Variants in INSL6 observed in about 807,000 individuals in gnomAD.
INSL6 encodes insulin-like peptide INSL6.
Under a neutral mutation model 9.4 loss-of-function variants are expected in INSL6, and 16 were observed. The observed-to-expected ratio is 1.70, with a 90% CI of 1.15 to 2.59. The LOEUF (loss-of-function observed/expected upper bound fraction) is 2.59, where lower values mean the gene tolerates loss of function less well. INSL6 is among the 30% of genes most tolerant of loss of function. The pLI is 0.00. For missense variants in INSL6, 391 were observed against 257.3 expected (o/e 1.52, Z -3.56); for synonymous variants, 154 against 96.9 (o/e 1.59, Z -3.46).
chr9:5,182,366 AAACACATTAC>A (rs961103772), intron 1 of INSL6, among the ~76,000 whole-genome samples: 71 of 152,162 alleles, frequency 4.7e-4, no homozygotes, highest in African/African-American at 1.7e-3. Context: ...AATATATAAT[AAACACATTAC>A]AACAATTGCC....
the INSL6 span, chr9:5,111,227 G>T: frequency 1.7e-6 from 1 of 574,388 alleles, no homozygotes; most frequent in Non-Finnish European, 3.3e-6. Flanking sequence ...AGCTAGCGCG[G>T]GCCTATTCCT....
At chr9:5,084,548 T>C in the INSL6 span, among the ~76,000 whole-genome samples, 1 of 152,134 alleles carries the variant, frequency 6.6e-6, no homozygotes, top group African/African-American at 2.4e-5. Context: ...TTTTTTATTT[T>C]TTAAAAAATA....
chr9:5,041,443 C>T, the INSL6 span: 3 of 619,792 alleles, frequency 4.8e-6, no homozygotes, highest in Admixed American at 4.4e-5. Flanking sequence ...TCCTGTGCAG[C>T]AGCCTCCCCT....
At chr9:5,019,148 T>G in the INSL6 span, among the ~76,000 whole-genome samples, 1 of 152,208 alleles carries the variant, frequency 6.6e-6, no homozygotes, top group African/African-American at 2.4e-5. Context: ...CCAGGTTTTC[T>G]ATTCCTTTTG....
the INSL6 span, among the ~76,000 whole-genome samples, chr9:5,018,978 C>A: frequency 3.3e-5 from 5 of 152,124 alleles, no homozygotes; most frequent in African/African-American, 1.2e-4. Context: ...TCTCTGACAA[C>A]AGTTCTCTCT....
chr9:5,145,563 T>G (rs1824586295), intron 2 of INSL6, among the ~76,000 whole-genome samples: 1 of 152,200 alleles, frequency 6.6e-6, no homozygotes. Flanking sequence ...TCCAAGTTGG[T>G]TCCACTCTTC....
the INSL6 span, chr9:5,050,652 CGATGA>C: frequency 1.9e-6 from 3 of 1,584,852 alleles, no homozygotes; most frequent in African/African-American, 4.1e-5. Context: ...ATGAAACTTA[CGATGA>C]GATATTTCCT....
chr9:5,128,114 GTGTGTGTTA>G (rs979628936), intron 3 of INSL6: 1 of 228,970 alleles, frequency 4.4e-6, no homozygotes, highest in Admixed American at 5.7e-5. Context: ...GTGTGTGTGT[GTGTGTGTTA>G]TTTATACAAA....
At chr9:5,052,164 A>G in the INSL6 span, among the ~76,000 whole-genome samples, 2 of 152,126 alleles carry the variant, frequency 1.3e-5, no homozygotes, top group Admixed American at 1.3e-4. Context: ...AGCCATCTCT[A>G]GACTTAAGCT....
the INSL6 span, chr9:5,099,338 T>C: frequency 1.3e-5 from 2 of 152,228 alleles, no homozygotes; most frequent in Non-Finnish European, 2.9e-5. Context: ...AAAATATCAC[T>C]GTAAAGCTAT....
At chr9:5,166,129 T>C (rs950664880) in intron 1 of INSL6, among the ~76,000 whole-genome samples, 1 of 152,208 alleles carries the variant, frequency 6.6e-6, no homozygotes, top group African/African-American at 2.4e-5. Flanking sequence ...ATGAGGTTTG[T>C]CATGACAAGC....
chr9:5,112,212 G>C, the INSL6 span: 1 of 274,312 alleles, frequency 3.6e-6, no homozygotes. Flanking sequence ...CCATGCTGCT[G>C]GTGGGGGCAG....
chr9:5,021,338 C>T, the INSL6 span, among the ~76,000 whole-genome samples: 2 of 152,222 alleles, frequency 1.3e-5, no homozygotes, highest in African/African-American at 4.8e-5. Context: ...CTGGACCCCT[C>T]TTCCCCCAAT....
At chr9:5,131,757 C>T (rs534576414) in intron 3 of INSL6, among the ~76,000 whole-genome samples, 2 of 152,228 alleles carry the variant, frequency 1.3e-5, no homozygotes, top group South Asian at 4.2e-4. Context: ...CAATTTTAAT[C>T]TGCATAACCA....
At chr9:5,134,509 C>G (rs995261701) in intron 2 of INSL6, among the ~76,000 whole-genome samples, 3 of 152,224 alleles carry the variant, frequency 2.0e-5, no homozygotes, top group African/African-American at 4.8e-5. Context: ...AGAAACCCTA[C>G]AAGCCAGAAG....
At chr9:5,064,028 TGCCTGTAATCCCA>T in the INSL6 span, among the ~76,000 whole-genome samples, 1 of 152,070 alleles carries the variant, frequency 6.6e-6, no homozygotes, top group Admixed American at 6.5e-5. Flanking sequence ...TCTTGGCGTG[TGCCTGTAATCCCA>T]GCTTTTTGGG....
chr9:5,013,176 C>T, the INSL6 span, among the ~76,000 whole-genome samples: 1 of 152,004 alleles, frequency 6.6e-6, no homozygotes, highest in Admixed American at 6.5e-5. Flanking sequence ...AGAAAACAAC[C>T]CAAAGCACTT....
At chr9:5,042,689 C>T in the INSL6 span, among the ~76,000 whole-genome samples, 2 of 152,148 alleles carry the variant, frequency 1.3e-5, no homozygotes, top group Non-Finnish European at 2.9e-5. Flanking sequence ...GCAGGCCTGG[C>T]CTGGAGGGGT....
the INSL6 span, among the ~76,000 whole-genome samples, chr9:5,012,755 AT>A: frequency 1.3e-5 from 2 of 152,200 alleles, no homozygotes; most frequent in African/African-American, 4.8e-5. Context: ...GAAGCCTATA[AT>A]TTAGTAGTGG....
Sources: allele counts gnomAD v4.1 joint callset (sites outside exome capture counted in the v4.1 genomes callset), GRCh38; gene constraint gnomAD v4.1.1; transcripts MANE v1.5; gene names NCBI Gene and HGNC (gene_info 2026-07-23, HGNC 2026-07-21).